The following MTDH variants were observed in gnomAD, a reference collection of about 807,000 sequenced individuals.
The protein encoded by MTDH is protein LYRIC.
A neutral mutation model predicts 72.7 loss-of-function variants in MTDH; 34 were observed. The observed-to-expected ratio is 0.47, with a 90% confidence interval of 0.36 to 0.62. The LOEUF is 0.62. Ranked by LOEUF, MTDH falls within the 20% of genes least tolerant of loss-of-function variation. The probability of loss-of-function intolerance (pLI) is 0.00; values close to 1 mark genes in which losing one functional copy is unlikely to be tolerated. For missense variants in MTDH, 677 were observed against 699.4 expected (o/e 0.97, Z 0.36); for synonymous variants, 266 against 268.9 (o/e 0.99, Z 0.10).
chr8:97,695,592 G>A (rs921178255), intron 6 of MTDH, among the ~76,000 whole-genome samples: 1 of 152,178 alleles, frequency 6.6e-6, no homozygotes, highest in African/African-American at 2.4e-5. Flanking sequence ...TGGGTCACTG[G>A]AAAGAGACAG....
intron 5 of MTDH, 68 bp downstream of exon 5, chr8:97,689,171 TC>T (rs1238048526): frequency 1.3e-6 from 1 of 792,822 alleles, no homozygotes; most frequent in East Asian, 2.5e-5. Context: ...CATACCTCTT[TC>T]CTCAAATGAA....
intron 2 of MTDH, among the ~76,000 whole-genome samples, chr8:97,677,003 T>TAAAAA (rs1812874281): frequency 1.4e-3 from 1 of 702 alleles, no homozygotes; most frequent in African/African-American, 4.3e-3. Flanking sequence ...AGACTCTATC[T>TAAAAA]CAAAAAAAAA....
chr8:97,657,348 T>A (rs1812020456), intron 1 of MTDH, among the ~76,000 whole-genome samples: 1 of 152,212 alleles, frequency 6.6e-6, no homozygotes, highest in African/African-American at 2.4e-5. Flanking sequence ...ATATATGAAA[T>A]AACTTTGATT....
At chr8:97,697,150 A>ATATATATATAT in intron 6 of MTDH, among the ~76,000 whole-genome samples, 19 of 68,776 alleles carry the variant, frequency 2.8e-4, no homozygotes, top group Non-Finnish European at 3.9e-4. Context: ...ATATATATAT[A>ATATATATATAT]TTTTTTTTTT....
chr8:97,673,607 C>A (rs945358964), intron 2 of MTDH, among the ~76,000 whole-genome samples: 2 of 150,622 alleles, frequency 1.3e-5, no homozygotes, highest in Non-Finnish European at 2.9e-5. Context: ...TTGCAGTGAG[C>A]TGAGATCGCG....
chr8:97,722,934 A>G lies in MTDH; in HGVS notation c.1577A>G (p.Lys526Arg), dbSNP rs1815188418. 6.2e-7 allele frequency: 1 copy of G among 1,614,006 alleles called. No homozygotes were observed. The highest frequency in any genetic ancestry group is 1.7e-5 in the Admixed American group (1 of 59,984). ...ACCGAGCCATCTGTAATCTTATCAAAAAGTGATTCTGACAAGAGCTCTTCC... is the reference window on the plus strand; with the variant it reads ...ACCGAGCCATCTGTAATCTTATCAAGAAGTGATTCTGACAAGAGCTCTTCC... ...TSTEPSVILS[K>R]SDSDKSSSQV... The change falls in exon 11 of 12, where the codon AAA becomes AGA. Residue 526 changes from lysine to arginine, a missense_variant. By Grantham distance (26) the Lys-to-Arg change is conservative. Transcript: ENST00000336273.
intron 7 of MTDH, 56 bp downstream of exon 7, chr8:97,699,908 C>G: frequency 2.7e-6 from 3 of 1,103,302 alleles, no homozygotes; most frequent in Middle Eastern, 2.0e-4. Flanking sequence ...TTTCTAGCAC[C>G]CTGAATTCAT....
At chr8:97,689,251 G>C (rs1301988998) in intron 5 of MTDH, 148 bp downstream of exon 5, 2 of 441,050 alleles carry the variant, frequency 4.5e-6, no homozygotes, top group African/African-American at 4.0e-5. Flanking sequence ...TCACAGTACA[G>C]AGATTTTGGA....
chr8:97,694,666 A>G (rs908080151), intron 6 of MTDH, among the ~76,000 whole-genome samples: 12 of 152,186 alleles, frequency 7.9e-5, no homozygotes, highest in African/African-American at 2.9e-4. Flanking sequence ...TCATGTCTGT[A>G]ATCCTGGCAC....
chr8:97,697,150 A>ATATATTTTTT, intron 6 of MTDH, among the ~76,000 whole-genome samples: 15 of 68,780 alleles, frequency 2.2e-4, no homozygotes, highest in African/African-American at 1.3e-3. Context: ...ATATATATAT[A>ATATATTTTTT]TTTTTTTTTT....
intron 2 of MTDH, among the ~76,000 whole-genome samples, chr8:97,665,150 T>G (rs1037056171): frequency 2.0e-5 from 3 of 152,204 alleles, no homozygotes; most frequent in African/African-American, 7.2e-5. Flanking sequence ...GAGCCATATC[T>G]TGGGCACTTT....
intron 2 of MTDH, among the ~76,000 whole-genome samples, chr8:97,684,645 G>A (rs1039998845): frequency 2.6e-5 from 4 of 152,222 alleles, no homozygotes; most frequent in Non-Finnish European, 4.4e-5. Flanking sequence ...GTTGACAGAT[G>A]TTCAATATGT....
In MTDH at chr8:97,644,887, A is replaced by C; in HGVS notation, c.381A>C (p.Lys127Asn). The change falls in exon 1 of 12, where the codon AAA (lysine) becomes AAC (asparagine). Residue 127 changes from lysine to asparagine, a missense_variant and splice_region_variant. This residue lies in a region of MTDH where 467 missense variants were observed against 469.1 expected (regional missense o/e 1.00). Coordinates refer to ENST00000336273, the MANE Select transcript of MTDH (RefSeq NM_178812.4). ...GGAAGAAACTGTCCGAGAAGCCCAAAGTGAGTATGGGATGAGCGGCAGTAG... is the reference window on the plus strand; with the variant it reads ...GGAAGAAACTGTCCGAGAAGCCCAACGTGAGTATGGGATGAGCGGCAGTAG... ...KNRKKLSEKP[K>N]PNGRTVEVAE... 1.3e-6 allele frequency: 2 copies of C among 1,548,152 alleles called. No individual in the cohort carries two copies. The highest frequency in any genetic ancestry group is 1.7e-6 in the Non-Finnish European group (2 of 1,158,886).
chr8:97,677,220 G>A (rs866441454), intron 2 of MTDH, among the ~76,000 whole-genome samples: 4 of 103,970 alleles, frequency 3.8e-5, no homozygotes, highest in Admixed American at 2.3e-4. Context: ...AAGGCCGGGC[G>A]CAGTGGCTCA....
At position 97,644,499 on chromosome 8, in the gene MTDH, G is replaced by A; in HGVS notation, c.-8G>A. 1 of 1,568,748 alleles carries A rather than the reference G, an allele frequency of 6.4e-7. No homozygotes were observed. The highest frequency in any genetic ancestry group is 8.6e-7 in the Non-Finnish European group (1 of 1,165,192). On this transcript the variant is annotated 5_prime_UTR_variant, in exon 1 of 12. Transcript: ENST00000336273. Reference sequence around the variant, plus strand: ...GTCATCCTGCGAGTCCCTCTGACGGGAGGGAAGATGGCTGCACGGAGCTGG... The same window carrying A: ...GTCATCCTGCGAGTCCCTCTGACGGAAGGGAAGATGGCTGCACGGAGCTGG...
Position 97,662,294 on chromosome 8 carries a change from C to A in MTDH, c.483+1121C>A, listed in dbSNP as rs147811280. Among the ~76,000 whole-genome samples the A allele has an allele frequency of 5.5e-3, 824 of 151,148 alleles. 5 individuals are homozygous for A. The highest frequency in any genetic ancestry group is 0.018 in the African/African-American group (728 of 41,262). ...TCAAATGATCCTCCTGCCTCGGCCT[C>A]CCAAAGTGCTGGGATTACAGGCGTG... is the stretch of plus-strand genomic sequence containing the variant. On this transcript the variant is annotated intron_variant, in intron 2 of 11. Coordinates refer to ENST00000336273, the MANE Select transcript of MTDH (RefSeq NM_178812.4).
chr8:97,685,161 G>T (rs553263303), intron 2 of MTDH, among the ~76,000 whole-genome samples: 8 of 151,588 alleles, frequency 5.3e-5, no homozygotes, highest in Admixed American at 2.6e-4. Context: ...GACTATTATG[G>T]TATGTGGATA....
chr8:97,652,755 T>C (rs1349163261), intron 1 of MTDH, among the ~76,000 whole-genome samples: 1 of 152,254 alleles, frequency 6.6e-6, no homozygotes, highest in African/African-American at 2.4e-5. Context: ...ATAGTTTTGC[T>C]GGTAATATTA....
At chr8:97,714,432 G>A (rs766465363) in intron 9 of MTDH, among the ~76,000 whole-genome samples, 5 of 152,012 alleles carry the variant, frequency 3.3e-5, no homozygotes, top group Admixed American at 1.3e-4. Flanking sequence ...GGGCAACATG[G>A]CAAAACCCTG....
Sources: allele counts gnomAD v4.1 joint callset (sites outside exome capture counted in the v4.1 genomes callset), GRCh38; gene constraint gnomAD v4.1.1; regional missense constraint gnomAD v4.1.1; transcripts MANE v1.5; gene names NCBI Gene and HGNC (gene_info 2026-07-23, HGNC 2026-07-21).